Variants in FBXW2 observed in about 807,000 individuals in gnomAD.
FBXW2 encodes the protein F-box/WD repeat-containing protein 2.
Under a neutral mutation model 46.0 loss-of-function variants are expected in FBXW2, and 12 were observed. That is an observed-to-expected ratio of 0.26 (90% confidence interval 0.17 to 0.42). The LOEUF is 0.42. FBXW2 is among the 10% of genes least tolerant of loss of function. The pLI is 1.00. For synonymous variants in FBXW2, 203 were observed against 209.6 expected, an observed-to-expected ratio of 0.97 and a Z score of 0.27; for missense variants, 360 against 537.0, an observed-to-expected ratio of 0.67 and a Z score of 3.26.
chr9:120,764,199 A>C lies in FBXW2; in HGVS notation c.*360T>G. ...TGGTAAAAAGCTTTAATAACAGACA[A>C]TGTGATTTCATAGGCAACCAATTAG... On this transcript the variant is annotated 3_prime_UTR_variant, in exon 8 of 8. Coordinates refer to ENST00000608872, the MANE Select transcript of FBXW2 (RefSeq NM_012164.4). 2.5e-6 allele frequency: 1 copy of C among 401,042 alleles called. No homozygotes were observed. The highest frequency in any genetic ancestry group is 4.4e-6 in the Non-Finnish European group (1 of 227,694). The allele number at this position is 401,042 out of a possible 1,614,324, so 24.8% of individuals were successfully genotyped here. A position where few individuals can be genotyped will look rare whatever the true frequency, so the allele number is the denominator to read the frequency against.
Position 120,764,934 on chromosome 9 carries a change from C to G in FBXW2, c.1077-87G>C. The G allele has an allele frequency of 4.5e-6, 5 of 1,110,516 alleles. No individual in the cohort carries two copies. The South Asian group carries it at 1.1e-4, about 24-fold the overall frequency. 68.8% of individuals were successfully genotyped at this position (1,110,516 alleles called of 1,614,324 possible). A position where few individuals can be genotyped will look rare whatever the true frequency, so the allele number is the denominator to read the frequency against. ...TAATCTTTTCTGGAGATATTTAAAACCAATATTAAATTCAAGCAAATTTAG... is the reference window on the plus strand; with the variant it reads ...TAATCTTTTCTGGAGATATTTAAAAGCAATATTAAATTCAAGCAAATTTAG... On this transcript the variant is annotated intron_variant, in intron 7 of 7. Coordinates refer to ENST00000608872, the MANE Select transcript of FBXW2 (RefSeq NM_012164.4).
intron 5 of FBXW2, among the ~76,000 whole-genome samples, chr9:120,774,196 G>A (rs980987856): frequency 1.1e-4 from 17 of 152,090 alleles, no homozygotes; most frequent in African/African-American, 3.6e-4. Flanking sequence ...AATTAGCCAG[G>A]CATGGTGGTG....
At position 120,787,759 on chromosome 9, in the gene FBXW2, C is replaced by A; in HGVS notation, c.490+10G>T. The A allele has an allele frequency of 6.3e-7, 1 of 1,589,748 alleles. No individual in the cohort carries two copies. Among genetic ancestry groups the A allele is most frequent in the Non-Finnish European group, 8.5e-7 (1 of 1,170,922 alleles). On this transcript the variant is annotated intron_variant, in intron 3 of 7. Transcript: ENST00000608872. ...AACAAAACCCAAAAAGCAGTTTCAA[C>A]ATCTCTTACCTGTACAGAGAAGTCC...
chr9:120,769,040 A>AG (rs1403733590), intron 7 of FBXW2, among the ~76,000 whole-genome samples: 1 of 152,226 alleles, frequency 6.6e-6, no homozygotes, highest in African/African-American at 2.4e-5. Flanking sequence ...TGATCACTTT[A>AG]GAAATGGAAC....
intron 3 of FBXW2, 150 bp from the exon 4 acceptor site, chr9:120,778,695 G>GT: frequency 1.4e-6 from 1 of 706,066 alleles, no homozygotes; most frequent in Non-Finnish European, 2.3e-6. Context: ...CACGGAGAGA[G>GT]TAACACAACT....
intron 5 of FBXW2, among the ~76,000 whole-genome samples, chr9:120,774,266 G>T (rs1263803180): frequency 6.9e-6 from 1 of 145,298 alleles, no homozygotes; most frequent in Admixed American, 7.2e-5. Flanking sequence ...GAACCCGGCA[G>T]ATGGATGCTG....
intron 7 of FBXW2, 56 bp from the exon 8 acceptor site, chr9:120,764,903 C>T: frequency 7.6e-7 from 1 of 1,321,264 alleles, no homozygotes; most frequent in Non-Finnish European, 1.0e-6. Context: ...TCTGTTTATG[C>T]TACTGTAATC....
At chr9:120,784,696 G>A (rs556983093) in intron 3 of FBXW2, among the ~76,000 whole-genome samples, 1 of 152,098 alleles carries the variant, frequency 6.6e-6, no homozygotes, top group South Asian at 2.1e-4. Context: ...GAGGCAGGCA[G>A]ATCATCTGAG....
At chr9:120,783,663 T>C (rs2044662176) in intron 3 of FBXW2, among the ~76,000 whole-genome samples, 1 of 152,222 alleles carries the variant, frequency 6.6e-6, no homozygotes, top group Non-Finnish European at 1.5e-5. Context: ...GTCATCTTCC[T>C]GGTCCCAGTG....
At chr9:120,789,482 A>C (rs542307338) in intron 2 of FBXW2, among the ~76,000 whole-genome samples, 76 of 152,296 alleles carry the variant, frequency 5.0e-4, no homozygotes, top group African/African-American at 1.7e-3. Context: ...TATCTTTCTC[A>C]AGACTATGTG....
Position 120,771,531 on chromosome 9 carries a change from A to G in FBXW2, c.907-14T>C. ...AATTGGCCAAATCTACAGAAAAAAG[A>G]AAATGAGGAAAGATGAGAGATCACA... is the stretch of plus-strand genomic sequence containing the variant. On this transcript the variant is annotated splice_polypyrimidine_tract_variant and intron_variant, in intron 6 of 7. Coordinates refer to ENST00000608872, the MANE Select transcript of FBXW2 (RefSeq NM_012164.4). The G allele has an allele frequency of 6.2e-7, 1 of 1,603,768 alleles. No homozygotes were observed. The highest frequency in any genetic ancestry group is 1.1e-5 in the South Asian group (1 of 89,900).
Position 120,793,362 on chromosome 9 carries a change from G to A in FBXW2, c.-138C>T. ...CCGCCTCGCATACAGACCCGGACCT[G>A]CGGCCGCTGCTCCCGGTCCGCAGCC... On this transcript the variant is annotated 5_prime_UTR_variant, in exon 1 of 8. Coordinates refer to ENST00000608872, the MANE Select transcript of FBXW2 (RefSeq NM_012164.4). 5 of 401,820 alleles carry A rather than the reference G, an allele frequency of 1.2e-5. No homozygotes were observed. Among genetic ancestry groups the A allele is most frequent in the Non-Finnish European group, 2.2e-5 (5 of 227,986 alleles). 24.9% of individuals were successfully genotyped at this position (401,820 alleles called of 1,614,324 possible).
At chr9:120,780,222 A>G (rs1184524041) in intron 3 of FBXW2, among the ~76,000 whole-genome samples, 1 of 151,750 alleles carries the variant, frequency 6.6e-6, no homozygotes, top group Non-Finnish European at 1.5e-5. Context: ...GCCAGGCATG[A>G]TGGCGTACGC....
chr9:120,789,878 G>C (rs2044799162), intron 2 of FBXW2, among the ~76,000 whole-genome samples: 1 of 152,154 alleles, frequency 6.6e-6, no homozygotes, highest in Non-Finnish European at 1.5e-5. Flanking sequence ...TTGATTTCTG[G>C]AACTGTGACT....
chr9:120,781,958 G>A (rs554202388), intron 3 of FBXW2, among the ~76,000 whole-genome samples: 6 of 151,424 alleles, frequency 4.0e-5, no homozygotes, highest in Admixed American at 6.6e-5. Context: ...GGGAGGCGGA[G>A]GTTGCGGTGA....
chr9:120,789,338 G>A (rs2044786388), intron 2 of FBXW2, among the ~76,000 whole-genome samples: 1 of 152,196 alleles, frequency 6.6e-6, no homozygotes, highest in Admixed American at 6.5e-5. Context: ...TTAGGAGAAT[G>A]ACAAATTGCT....
rs986576849 is a variant in FBXW2, at chr9:120,759,435, C to T, written c.*5124G>A. On this transcript the variant is annotated 3_prime_UTR_variant, in exon 8 of 8. Transcript: ENST00000608872. The stretch of plus-strand genomic sequence containing the variant: ...ATTTGCTTAAGCAACCTCTTCTTCC[C>T]CCTACCCCACACAGTTCAAATATAA... 6.6e-6 allele frequency: 1 copy of T among 152,204 alleles called. No individual in the cohort carries two copies. The highest frequency in any genetic ancestry group is 1.5e-5 in the Non-Finnish European group (1 of 68,032). 9.4% of individuals were successfully genotyped at this position (152,204 alleles called of 1,614,324 possible).
At chr9:120,792,846 G>A in intron 2 of FBXW2, 1 of 1,433,276 alleles carries the variant, frequency 7.0e-7, no homozygotes, top group Non-Finnish European at 9.3e-7. Flanking sequence ...CATTAATATT[G>A]TTATCTTTGC....
intron 3 of FBXW2, among the ~76,000 whole-genome samples, chr9:120,780,288 G>C (rs1440835626): frequency 1.3e-5 from 2 of 151,450 alleles, no homozygotes; most frequent in Non-Finnish European, 2.9e-5. Flanking sequence ...AACCCGGGAG[G>C]AGGTTGTAGT....
Sources: allele counts gnomAD v4.1 joint callset (sites outside exome capture counted in the v4.1 genomes callset), GRCh38; gene constraint gnomAD v4.1.1; transcripts MANE v1.5; gene names NCBI Gene and HGNC (gene_info 2026-07-23, HGNC 2026-07-21).